ADGRL2: variants seen among roughly 807,000 people sequenced by gnomAD.
The protein encoded by ADGRL2 is adhesion G protein-coupled receptor L2, also known as calcium-independent alpha-latrotoxin receptor 2.
In ADGRL2, 44 loss-of-function variants were observed where a neutral mutation model predicts 157.4. The observed-to-expected ratio is 0.28, with a 90% CI of 0.22 to 0.36. The LOEUF (loss-of-function observed/expected upper bound fraction) is 0.36. ADGRL2 is among the 10% of genes least tolerant of loss of function. The pLI is 1.00. For missense variants in ADGRL2, 1,510 were observed against 1,768.9 expected, an observed-to-expected ratio of 0.85 and a Z score of 2.63; for synonymous variants, 585 against 624.7, an observed-to-expected ratio of 0.94 and a Z score of 0.95.
chr1:81,579,723 AT>A (rs977660858), intron 2 of ADGRL2, among the ~76,000 whole-genome samples: 1 of 151,880 alleles, frequency 6.6e-6, no homozygotes, highest in Non-Finnish European at 1.5e-5. Context: ...TGCCAAAATT[AT>A]TTTTTTACCT....
At chr1:81,830,820 T>G in intron 1 of ADGRL2, among the ~76,000 whole-genome samples, 1 of 152,226 alleles carries the variant, frequency 6.6e-6, no homozygotes, top group Non-Finnish European at 1.5e-5. Flanking sequence ...TTTTCATATT[T>G]ATTTTTAAGA....
chr1:81,511,660 T>TCCACA (rs2079080866), intron 2 of ADGRL2, among the ~76,000 whole-genome samples: 2 of 152,202 alleles, frequency 1.3e-5, no homozygotes, highest in African/African-American at 4.8e-5. Flanking sequence ...TTGATATGAT[T>TCCACA]CTACTTTCCA....
intron 2 of ADGRL2, among the ~76,000 whole-genome samples, chr1:81,873,554 A>G (rs2093753292): frequency 6.6e-6 from 1 of 152,142 alleles, no homozygotes; most frequent in Non-Finnish European, 1.5e-5. Context: ...TACAAGGTAT[A>G]TAGCATCAAC....
At chr1:81,406,376 T>A (rs969742051) in intron 1 of ADGRL2, among the ~76,000 whole-genome samples, 5 of 152,200 alleles carry the variant, frequency 3.3e-5, no homozygotes, top group African/African-American at 9.6e-5. Context: ...ATGGCACAAA[T>A]CTTGAGTGAA....
At chr1:81,967,964 C>A in intron 13 of ADGRL2, 62 bp from the exon 14 acceptor site, 3 of 1,329,146 alleles carry the variant, frequency 2.3e-6, no homozygotes, top group East Asian at 2.3e-5. Flanking sequence ...ACATATTAAA[C>A]AATTGCTGTT....
At chr1:81,344,058 T>C (rs1467214643) in intron 1 of ADGRL2, among the ~76,000 whole-genome samples, 2 of 152,096 alleles carry the variant, frequency 1.3e-5, no homozygotes, top group Non-Finnish European at 2.9e-5. Flanking sequence ...GTGGTCATTA[T>C]ATTACAAAGA....
At chr1:81,682,382 T>G (rs2148958766) in intron 3 of ADGRL2, among the ~76,000 whole-genome samples, 1 of 152,298 alleles carries the variant, frequency 6.6e-6, no homozygotes, top group East Asian at 1.9e-4. Context: ...TTTCATTTGT[T>G]TAGGAACTAT....
chr1:81,693,648 T>C (rs577991780), intron 3 of ADGRL2, among the ~76,000 whole-genome samples: 1 of 152,342 alleles, frequency 6.6e-6, no homozygotes, highest in African/African-American at 2.4e-5. Context: ...CACTGTGGAT[T>C]CAGCATTTTA....
At chr1:81,816,017 T>C (rs1374238992) in intron 1 of ADGRL2, among the ~76,000 whole-genome samples, 1 of 151,760 alleles carries the variant, frequency 6.6e-6, no homozygotes, top group Non-Finnish European at 1.5e-5. Flanking sequence ...AAGAATGAGC[T>C]CTTAGAACAA....
intron 2 of ADGRL2, among the ~76,000 whole-genome samples, chr1:81,864,576 A>G (rs2093480477): frequency 6.6e-6 from 1 of 152,202 alleles, no homozygotes; most frequent in African/African-American, 2.4e-5. Flanking sequence ...GTTATATGAA[A>G]GTTTTAATCA....
intron 3 of ADGRL2, among the ~76,000 whole-genome samples, chr1:81,610,229 G>GTTTTTTTTTT (rs10657640): frequency 7.8e-6 from 1 of 127,392 alleles, no homozygotes; most frequent in African/African-American, 3.0e-5. Flanking sequence ...TGGCTTGGAG[G>GTTTTTTTTTT]TTTTTTTTTT....
intron 2 of ADGRL2, among the ~76,000 whole-genome samples, chr1:81,866,166 T>G (rs1171683536): frequency 1.3e-5 from 2 of 152,186 alleles, no homozygotes; most frequent in East Asian, 3.8e-4. Flanking sequence ...ACATGTTACA[T>G]TTTTTCTTGC....
At chr1:81,388,954 G>T (rs2076487205) in intron 1 of ADGRL2, among the ~76,000 whole-genome samples, 1 of 152,014 alleles carries the variant, frequency 6.6e-6, no homozygotes, top group Non-Finnish European at 1.5e-5. Context: ...GCAGTCCCTT[G>T]TTTGAAGACC....
chr1:81,765,719 A>C (rs764755416), intron 2 of ADGRL2, among the ~76,000 whole-genome samples: 2 of 152,058 alleles, frequency 1.3e-5, no homozygotes, highest in African/African-American at 4.8e-5. Flanking sequence ...AATAGTCATG[A>C]TATATACACG....
chr1:81,920,352 C>G (rs1417089556), intron 3 of ADGRL2, among the ~76,000 whole-genome samples: 1 of 152,136 alleles, frequency 6.6e-6, no homozygotes, highest in Non-Finnish European at 1.5e-5. Context: ...TCATAAAACT[C>G]TTTACCATTA....
Position 81,659,706 on chromosome 1 carries a change from C to T in ADGRL2, c.-143+78726C>T, listed in dbSNP as rs564857810. Among the ~76,000 whole-genome samples, 46 of 152,270 alleles carry T rather than the reference C, an allele frequency of 3.0e-4. No homozygotes were observed. The East Asian group carries it at 6.6e-3, about 22-fold the overall frequency. Reference sequence around the variant, plus strand: ...AATGACTCGTAGATGGCTGTTAACACGTCACCATTACCATCTTTATCACAT... The same window carrying T: ...AATGACTCGTAGATGGCTGTTAACATGTCACCATTACCATCTTTATCACAT... On this transcript the variant is annotated intron_variant, in intron 3 of 24. Coordinates refer to the ADGRL2 transcript ENST00000370721.
intron 1 of ADGRL2, among the ~76,000 whole-genome samples, chr1:81,716,269 T>G (rs1176587331): frequency 1.3e-5 from 2 of 152,198 alleles, no homozygotes; most frequent in African/African-American, 4.8e-5. Context: ...TGATCAGTTC[T>G]GCTATAGACT....
chr1:81,758,084 G>A (rs544364323), intron 1 of ADGRL2, among the ~76,000 whole-genome samples: 7 of 152,250 alleles, frequency 4.6e-5, no homozygotes, highest in Non-Finnish European at 7.4e-5. Context: ...TGGTTACAAC[G>A]TTCCTTTATC....
At chr1:81,490,866 C>A (rs576601105) in intron 2 of ADGRL2, among the ~76,000 whole-genome samples, 2 of 152,142 alleles carry the variant, frequency 1.3e-5, no homozygotes, top group Non-Finnish European at 2.9e-5. Flanking sequence ...TTCATCATAA[C>A]CCCAAATGCA....
Sources: allele counts gnomAD v4.1 joint callset (sites outside exome capture counted in the v4.1 genomes callset), GRCh38; gene constraint gnomAD v4.1.1; transcripts MANE v1.5; gene names NCBI Gene and HGNC (gene_info 2026-07-23, HGNC 2026-07-21).